The following DYNC2H1 variants were observed in gnomAD, a reference collection of about 807,000 sequenced individuals.
DYNC2H1 encodes dynein cytoplasmic 2 heavy chain 1.
DYNC2H1 carries 410 observed loss-of-function variants against 570.0 expected under a neutral mutation model. That is an observed-to-expected ratio of 0.72 (90% confidence interval 0.66 to 0.78). The LOEUF is 0.78. Ranked by LOEUF, DYNC2H1 falls within the 30% of genes least tolerant of loss-of-function variation. DYNC2H1 has a pLI of 0.00. For missense variants in DYNC2H1, 4,865 were observed against 5,046.4 expected (o/e 0.96, Z 1.09); for synonymous variants, 1,688 against 1,677.6 (o/e 1.01, Z -0.15).
At chr11:103,390,190 G>A (rs1459075848) in intron 83 of DYNC2H1, among the ~76,000 whole-genome samples, 1 of 152,146 alleles carries the variant, frequency 6.6e-6, no homozygotes, top group Admixed American at 6.5e-5. Flanking sequence ...GCTGTATTGG[G>A]TGCATATATA....
Position 103,163,185 on chromosome 11 carries a change from A to T in DYNC2H1, c.4611+38A>T, listed in dbSNP as rs657936. On this transcript the variant is annotated intron_variant, in intron 30 of 88. Transcript: ENST00000375735. This position sits in a 1 kb window ranked among gnomAD's most constrained non-coding sequence, Gnocchi z 4.6. ...ACGTGTAGAAGCTACATAGGCATGG[A>T]ACGTGGAAAGATCCCTGACCTAGAA... The T allele has an allele frequency of 0.73, 1,150,364 of 1,580,356 alleles. 420,183 individuals are homozygous for T. Among genetic ancestry groups the T allele is most frequent in the Admixed American group, 0.8 (45,500 of 56,864 alleles).
At chr11:103,127,076 T>TAGTA (rs1859040180) in intron 12 of DYNC2H1, among the ~76,000 whole-genome samples, 1 of 152,182 alleles carries the variant, frequency 6.6e-6, no homozygotes, top group African/African-American at 2.4e-5. Context: ...GGGATAGAAG[T>TAGTA]AGTAGCAGGT....
intron 87 of DYNC2H1, among the ~76,000 whole-genome samples, chr11:103,463,189 G>T (rs984923495): frequency 1.9e-4 from 29 of 152,120 alleles, no homozygotes; most frequent in Non-Finnish European, 2.9e-4. Context: ...ATAAAAAAAG[G>T]AAATCACAAA....
chr11:103,223,750 GATT>G (rs1181194077), intron 59 of DYNC2H1, among the ~76,000 whole-genome samples: 2 of 39,904 alleles, frequency 5.0e-5, no homozygotes, highest in African/African-American at 1.5e-4. Flanking sequence ...TTTATTTATT[GATT>G]TTTTTTTTTT....
chr11:103,138,988 A>C (rs1284405553), intron 17 of DYNC2H1, among the ~76,000 whole-genome samples: 1 of 151,084 alleles, frequency 6.6e-6, no homozygotes, highest in Non-Finnish European at 1.5e-5. Context: ...TAGATTTTCT[A>C]GTTTATTTGC....
Position 103,462,037 on chromosome 11 carries a change from ACT to A in DYNC2H1, c.12648+5684_12648+5685del, listed in dbSNP as rs1281233027. 2.0e-5 allele frequency among the ~76,000 whole-genome samples: 3 copies of A among 152,048 alleles called. No individual in the cohort carries two copies. The South Asian group carries it at 6.2e-4, about 31-fold the overall frequency. ...ACAATATTGACCAGTCTTCAAAAGA[ACT>A]CTTTCCAGTGGTTTGTTTGAATCAG... On this transcript the variant is annotated intron_variant, in intron 87 of 88. Coordinates refer to ENST00000375735, the MANE Select transcript of DYNC2H1 (RefSeq NM_001377.3).
intron 84 of DYNC2H1, among the ~76,000 whole-genome samples, chr11:103,433,405 T>C (rs1943962823): frequency 6.6e-6 from 1 of 152,116 alleles, no homozygotes; most frequent in African/African-American, 2.4e-5. Flanking sequence ...AGATGAATAA[T>C]AAATTGCCCT....
chr11:103,301,693 T>C (rs1867053477), intron 75 of DYNC2H1, among the ~76,000 whole-genome samples: 1 of 151,966 alleles, frequency 6.6e-6, no homozygotes, highest in Admixed American at 6.6e-5. Flanking sequence ...TGGGTAGTTG[T>C]TGTGAAGAAC....
rs897885918 is a variant in DYNC2H1 at position 103,161,316 on chromosome 11, C to T, written c.4491+272C>T. On this transcript the variant is annotated intron_variant, in intron 29 of 88. Coordinates refer to ENST00000375735, the MANE Select transcript of DYNC2H1 (RefSeq NM_001377.3). ...AAATCTTAGATATTAATCTTAGCTC[C>T]ACAACTTAATAGCTATGTGACTTAC... Among the ~76,000 whole-genome samples, 5 of 152,170 alleles carry T rather than the reference C, an allele frequency of 3.3e-5. No homozygotes were observed. The South Asian group carries it at 6.2e-4, about 19-fold the overall frequency.
intron 79 of DYNC2H1, among the ~76,000 whole-genome samples, chr11:103,314,269 G>A (rs1263748107): frequency 1.3e-5 from 2 of 151,992 alleles, no homozygotes; most frequent in African/African-American, 2.4e-5. Context: ...ATGCATTTAT[G>A]TTCTTTATAA....
At chr11:103,460,938 T>C (rs1944989797) in intron 87 of DYNC2H1, among the ~76,000 whole-genome samples, 1 of 152,154 alleles carries the variant, frequency 6.6e-6, no homozygotes, top group African/African-American at 2.4e-5. Flanking sequence ...AAGCATGGTA[T>C]AATGACTAGA....
rs530753341 is a variant in DYNC2H1 at position 103,197,933 on chromosome 11, A to G, written c.7709A>G (p.Asp2570Gly). 1.5e-4 allele frequency: 231 copies of G among 1,567,154 alleles called. 3 individuals are homozygous for G. The South Asian group carries it at 2.5e-3, about 17-fold the overall frequency. Reference protein sequence around the residue: ...WGSDILDNMSDSFYVTWGARH... With the variant: ...WGSDILDNMSGSFYVTWGARH... ...ACAAAAATATCATTTATTTCCACAG[A>G]TAGTTTCTACGTTACATGGGGAGCT... The change falls in exon 48 of 89, where the codon GAT (aspartate) becomes GGT (glycine). Residue 2570 changes from aspartate to glycine, a missense_variant and splice_region_variant. Physicochemically the swap from Asp to Gly is moderately conservative, Grantham distance 94 (BLOSUM62 -1). Coordinates refer to ENST00000375735, the MANE Select transcript of DYNC2H1 (RefSeq NM_001377.3).
Position 103,199,902 on chromosome 11 carries a change from T to C in DYNC2H1, c.8089-144T>C, listed in dbSNP as rs7126997. 3.5e-3 allele frequency: 2,115 copies of C among 610,334 alleles called. 32 individuals carry two copies. In the African/African-American group the frequency reaches 0.037, roughly 11 times the overall value. 37.8% of individuals were successfully genotyped at this position (610,334 alleles called of 1,614,324 possible). The stretch of plus-strand genomic sequence containing the variant: ...TACTTTCCAAATTATGTGGCTAAAG[T>C]TTGATTTTTAATTATTAAAATGGAA... On this transcript the variant is annotated intron_variant, in intron 49 of 88. Coordinates refer to ENST00000375735, the MANE Select transcript of DYNC2H1 (RefSeq NM_001377.3). This position sits in a 1 kb window ranked among gnomAD's most constrained non-coding sequence, Gnocchi z 4.6.
chr11:103,255,554 G>T lies in DYNC2H1; in HGVS notation c.10326+20G>T. 1 of 1,506,552 alleles carries T rather than the reference G, an allele frequency of 6.6e-7. No individual in the cohort carries two copies. Among genetic ancestry groups the T allele is most frequent in the South Asian group, 1.3e-5 (1 of 74,708 alleles). The allele number at this position is 1,506,552 out of a possible 1,614,324, so 93.3% of individuals were successfully genotyped here. ...CTAGAGGTAAAAGTCTAGCTATTTA[G>T]GTTACTTTTTTCGTATTACTTTTTT... On this transcript the variant is annotated intron_variant, in intron 67 of 88. Transcript: ENST00000375735.
At chr11:103,432,442 T>C (rs1414541474) in intron 84 of DYNC2H1, among the ~76,000 whole-genome samples, 3 of 152,148 alleles carry the variant, frequency 2.0e-5, no homozygotes, top group African/African-American at 7.2e-5. Context: ...TATGTCCTCA[T>C]CTTCAAGGAT....
chr11:103,401,419 T>C (rs1461593064), intron 84 of DYNC2H1, among the ~76,000 whole-genome samples: 2 of 152,156 alleles, frequency 1.3e-5, no homozygotes, highest in Non-Finnish European at 2.9e-5. Flanking sequence ...GTAAGTCTAG[T>C]AGGACGGGTA....
At chr11:103,123,946 A>G (rs1415425854) in intron 11 of DYNC2H1, among the ~76,000 whole-genome samples, 1 of 152,182 alleles carries the variant, frequency 6.6e-6, no homozygotes, top group Non-Finnish European at 1.5e-5. Flanking sequence ...TAAAGGCAAA[A>G]AGAGTCACCA....
intron 11 of DYNC2H1, among the ~76,000 whole-genome samples, chr11:103,124,801 G>A (rs1047654824): frequency 6.6e-6 from 1 of 152,060 alleles, no homozygotes; most frequent in Non-Finnish European, 1.5e-5. Context: ...TCTTTATGGT[G>A]GATGTGATGT....
chr11:103,421,487 C>G (rs1943487658), intron 84 of DYNC2H1, among the ~76,000 whole-genome samples: 1 of 152,044 alleles, frequency 6.6e-6, no homozygotes, highest in Non-Finnish European at 1.5e-5. Context: ...TGCAAAAGAA[C>G]TGAAATCATA....
Sources: gnomAD v4.1 joint callset for allele counts (sites outside exome capture counted in the v4.1 genomes callset) on GRCh38, gnomAD v4.1.1 for gene constraint, Gnocchi (gnomAD v3.1) non-coding constraint, MANE v1.5 for transcripts, NCBI Gene and HGNC (gene_info 2026-07-23, HGNC 2026-07-21) for gene names.